RANBP2: variants seen among roughly 807,000 people sequenced by gnomAD.
The protein encoded by RANBP2 is E3 SUMO-protein ligase RanBP2.
A neutral mutation model predicts 303.6 loss-of-function variants in RANBP2; 57 were observed. The observed-to-expected ratio is 0.19, with a 90% confidence interval of 0.15 to 0.23. The LOEUF is 0.23. RANBP2 is among the 10% of genes least tolerant of loss of function. The probability of loss-of-function intolerance (pLI) is 1.00; values close to 1 mark genes in which losing one functional copy is unlikely to be tolerated. For synonymous variants in RANBP2, 1,167 were observed against 1,301.5 expected (o/e 0.90, Z 2.23); for missense variants, 3,138 against 3,780.8 (o/e 0.83, Z 4.46).
At chr2:109,031,146 G>A in the RANBP2 span, among the ~76,000 whole-genome samples, 2 of 152,094 alleles carry the variant, frequency 1.3e-5, no homozygotes, top group African/African-American at 4.8e-5. Flanking sequence ...CATTCCTGCT[G>A]CTACAACAAA....
At chr2:109,711,224 C>T in the RANBP2 span, among the ~76,000 whole-genome samples, 3 of 152,082 alleles carry the variant, frequency 2.0e-5, no homozygotes, top group African/African-American at 7.2e-5. Context: ...CGTCCCTATG[C>T]CCAGTAACTT....
the RANBP2 span, chr2:109,399,087 C>A: frequency 2.1e-6 from 2 of 971,516 alleles, no homozygotes; most frequent in Non-Finnish European, 3.0e-6. Flanking sequence ...TTGCCCTTTG[C>A]TGCCTGGCAC....
chr2:108,989,426 TG>T, the RANBP2 span: 1 of 152,168 alleles, frequency 6.6e-6, no homozygotes, highest in Non-Finnish European at 1.5e-5. Context: ...TTTGCAGGGG[TG>T]GGGGCCTTGC....
chr2:109,561,121 G>T, the RANBP2 span, among the ~76,000 whole-genome samples: 1 of 152,128 alleles, frequency 6.6e-6, no homozygotes, highest in African/African-American at 2.4e-5. Context: ...GCTGCTGCCT[G>T]CCTGTTCTCT....
chr2:109,263,774 G>A, the RANBP2 span, among the ~76,000 whole-genome samples: 13 of 152,182 alleles, frequency 8.5e-5, no homozygotes, highest in Non-Finnish European at 1.8e-4. Flanking sequence ...AGATAGACCT[G>A]GCTAACACTG....
At chr2:109,589,119 TTTG>T in the RANBP2 span, among the ~76,000 whole-genome samples, 11 of 152,106 alleles carry the variant, frequency 7.2e-5, no homozygotes, top group South Asian at 2.1e-4. Context: ...TGTTTGTTTG[TTTG>T]TTGTTGTTGG....
the RANBP2 span, among the ~76,000 whole-genome samples, chr2:109,380,036 A>G: frequency 6.6e-6 from 1 of 152,182 alleles, no homozygotes; most frequent in African/African-American, 2.4e-5. Flanking sequence ...TAAAGAAATG[A>G]GACAAGACTA....
chr2:108,730,776 A>T lies in RANBP2; in HGVS notation c.143A>T (p.Tyr48Phe), dbSNP rs780017280. Residue 48 changes from tyrosine to phenylalanine, a missense_variant and splice_region_variant, in exon 3 of 29, where the codon TAC becomes TTC. Physicochemically the swap from Tyr to Phe is conservative, Grantham distance 22 (BLOSUM62 3). Transcript: ENST00000283195. The stretch of plus-strand genomic sequence containing the variant: ...TTTGTATTACTTTTAAAAAACAGAT[A>T]CATATGTACTTACATTAATGTGCAA... ...EAKEYDLAKK[Y>F]ICTYINVQER... 8 of 1,610,928 alleles carry T rather than the reference A, an allele frequency of 5.0e-6. No homozygotes were observed. The Admixed American group carries it at 1.3e-4, about 27-fold the overall frequency.
At chr2:109,799,203 C>T in the RANBP2 span, among the ~76,000 whole-genome samples, 2 of 103,002 alleles carry the variant, frequency 1.9e-5, no homozygotes, top group Non-Finnish European at 1.9e-5. Flanking sequence ...CGAGCCACCG[C>T]ACTCCAGCCT....
chr2:109,176,263 T>C, the RANBP2 span, among the ~76,000 whole-genome samples: 1 of 152,132 alleles, frequency 6.6e-6, no homozygotes, highest in South Asian at 2.1e-4. Context: ...TTTAATAAAA[T>C]AGAAAAGGGT....
At chr2:108,775,598 G>T in intron 23 of RANBP2, 134 bp from the exon 24 acceptor site, 1 of 839,656 alleles carries the variant, frequency 1.2e-6, no homozygotes, top group Non-Finnish European at 1.9e-6. Context: ...GTTTTGAGGA[G>T]AGATAGGGTG....
chr2:109,289,309 C>A, the RANBP2 span, among the ~76,000 whole-genome samples: 1 of 152,058 alleles, frequency 6.6e-6, no homozygotes, highest in Non-Finnish European at 1.5e-5. Context: ...CCAACTGGAA[C>A]AGGATTTCAC....
the RANBP2 span, among the ~76,000 whole-genome samples, chr2:109,697,425 C>T: frequency 6.0e-5 from 9 of 149,738 alleles, no homozygotes; most frequent in South Asian, 1.1e-3. Context: ...GCAGAGGTTG[C>T]GGTGAGCCAA....
chr2:109,474,514 C>A, the RANBP2 span, among the ~76,000 whole-genome samples: 1 of 152,142 alleles, frequency 6.6e-6, no homozygotes, highest in African/African-American at 2.4e-5. Context: ...AGTGGGAGGC[C>A]CTCAGTTGGC....
At chr2:109,709,306 CAAAAATAAAATAAAATAAAATAAAA>C in the RANBP2 span, among the ~76,000 whole-genome samples, 3 of 42,384 alleles carry the variant, frequency 7.1e-5, no homozygotes, top group African/African-American at 1.5e-4. Context: ...AACTGTGTCT[CAAAAATAAAATAAAATAAAATAAAA>C]TAAAATAAAA....
chr2:109,416,267 A>C, the RANBP2 span, among the ~76,000 whole-genome samples: 1 of 152,062 alleles, frequency 6.6e-6, no homozygotes, highest in Non-Finnish European at 1.5e-5. Context: ...GGGCCTGTGC[A>C]CGCTGAACTT....
chr2:109,501,816 G>A, the RANBP2 span: 1 of 605,692 alleles, frequency 1.7e-6, no homozygotes, highest in Non-Finnish European at 2.9e-6. Flanking sequence ...CAGGGTGGGG[G>A]CCAGGGACTG....
chr2:109,712,495 G>C, the RANBP2 span, among the ~76,000 whole-genome samples: 1 of 152,082 alleles, frequency 6.6e-6, no homozygotes, highest in Non-Finnish European at 1.5e-5. Flanking sequence ...ACAATAGCAC[G>C]ATCTCTGCTC....
At chr2:109,673,667 G>A in the RANBP2 span, among the ~76,000 whole-genome samples, 5 of 151,910 alleles carry the variant, frequency 3.3e-5, no homozygotes, top group African/African-American at 9.6e-5. Flanking sequence ...AGTTCGAGAC[G>A]AGCCTGGCCA....
Sources: allele counts gnomAD v4.1 joint callset (sites outside exome capture counted in the v4.1 genomes callset), GRCh38; gene constraint gnomAD v4.1.1; transcripts MANE v1.5; gene names NCBI Gene and HGNC (gene_info 2026-07-23, HGNC 2026-07-21).